CLNK: variants seen among roughly 807,000 people sequenced by gnomAD.
CLNK encodes the protein cytokine dependent hematopoietic cell linker.
In CLNK, 74 loss-of-function variants were observed where a neutral mutation model predicts 68.6. The observed-to-expected ratio is 1.08, with a 90% confidence interval of 0.89 to 1.31. The LOEUF (loss-of-function observed/expected upper bound fraction) is 1.31, where lower values mean the gene tolerates loss of function less well. Among genes scored for constraint, CLNK ranks in the 50% most tolerant of loss-of-function variants. The pLI, the probability that CLNK is intolerant of heterozygous loss-of-function variation, is 0.00. For missense variants in CLNK, 553 were observed against 515.3 expected, an observed-to-expected ratio of 1.07 and a Z score of -0.71; for synonymous variants, 198 against 172.2, an observed-to-expected ratio of 1.15 and a Z score of -1.17.
intron 2 of CLNK, among the ~76,000 whole-genome samples, chr4:10,629,143 G>A (rs531967535): frequency 5.3e-5 from 8 of 152,192 alleles, no homozygotes; most frequent in African/African-American, 1.9e-4. Context: ...AAACTTCTGC[G>A]CCTCATTGAG....
the CLNK span, among the ~76,000 whole-genome samples, chr4:10,696,065 G>A: frequency 1.3e-5 from 2 of 151,924 alleles, no homozygotes; most frequent in Admixed American, 6.6e-5. Context: ...CCTGTTGGCC[G>A]GGCTAGTCTC....
rs1719086249 is a variant in CLNK at position 10,542,687 on chromosome 4, T to TAA, written c.446-408_446-407insTT. Among the ~76,000 whole-genome samples, 6 of 123,598 alleles carry TAA rather than the reference T, an allele frequency of 4.9e-5. No homozygotes were observed. The South Asian group carries it at 1.7e-3, about 34-fold the overall frequency. The allele number at this position is 123,598 out of a possible 152,430, so 81.1% of individuals were successfully genotyped here. A position where few individuals can be genotyped will look rare whatever the true frequency, so the allele number is the denominator to read the frequency against. On this transcript the variant is annotated intron_variant, in intron 8 of 18. Coordinates refer to ENST00000226951, the MANE Select transcript of CLNK (RefSeq NM_052964.4). ...GTGTGTGTGTGTGTGTGTGTGTATA[T>TAA]ATATATATATACAATTCAATTTCCT...
In CLNK at chr4:10,501,405, T is replaced by C. The variant is rs759586214; in HGVS notation, c.991A>G (p.Ser331Gly). 1 of 1,608,128 alleles carries C rather than the reference T, an allele frequency of 6.2e-7. No individual in the cohort carries two copies. Among genetic ancestry groups the C allele is most frequent in the Admixed American group, 1.7e-5 (1 of 58,444 alleles). The change falls in exon 18 of 19, where the codon AGT becomes GGT. Residue 331 changes from serine to glycine, a missense_variant. Ser to Gly is a moderately conservative substitution (Grantham distance 56). Coordinates refer to ENST00000226951, the MANE Select transcript of CLNK (RefSeq NM_052964.4). ...GTGGAACAATCTCGGACCAAGAAAC[T>C]ACCATCCTGAAGCAAAAAGAGTAAC... The part of the protein sequence containing the change: ...EAFMKENKDG[S>G]FLVRDCSTKS...
At chr4:10,540,962 C>T (rs1460205769) in intron 10 of CLNK, among the ~76,000 whole-genome samples, 1 of 152,074 alleles carries the variant, frequency 6.6e-6, no homozygotes, top group African/African-American at 2.4e-5. Context: ...CGCCTGTAAT[C>T]CCAGCACTTT....
At chr4:10,526,762 A>G (rs1459306765) in intron 13 of CLNK, among the ~76,000 whole-genome samples, 1 of 152,196 alleles carries the variant, frequency 6.6e-6, no homozygotes, top group Non-Finnish European at 1.5e-5. Flanking sequence ...TGCCAACCAT[A>G]CAATCTGGAG....
At chr4:10,608,330 G>C (rs1028187702) in intron 2 of CLNK, among the ~76,000 whole-genome samples, 1 of 152,206 alleles carries the variant, frequency 6.6e-6, no homozygotes. Flanking sequence ...TCCTCGGCCT[G>C]CTAGGCCCAT....
intron 4 of CLNK, among the ~76,000 whole-genome samples, chr4:10,580,522 T>C (rs1453973111): frequency 6.6e-6 from 1 of 152,150 alleles, no homozygotes; most frequent in Non-Finnish European, 1.5e-5. Flanking sequence ...GAAGACCTTC[T>C]AGTAGGACAA....
chr4:10,643,087 T>C lies in CLNK; in HGVS notation c.11+24772A>G, dbSNP rs376453488. ...AGTTTCAGGATGTAAGTGTTCTGGG[T>C]CTTGGCTGTGTGTGACCCTCGCCTT... is the stretch of plus-strand genomic sequence containing the variant. On this transcript the variant is annotated intron_variant, in intron 2 of 18. Coordinates refer to ENST00000226951, the MANE Select transcript of CLNK (RefSeq NM_052964.4). 6.0e-4 allele frequency among the ~76,000 whole-genome samples: 92 copies of C among 152,290 alleles called. No individual in the cohort carries two copies. In the Middle Eastern group the frequency reaches 0.01, roughly 17 times the overall value.
intron 2 of CLNK, among the ~76,000 whole-genome samples, chr4:10,602,139 A>G (rs1220529670): frequency 2.0e-5 from 3 of 152,198 alleles, no homozygotes; most frequent in African/African-American, 2.4e-5. Context: ...TCCCTCCTGC[A>G]TGACCAGTCA....
intron 2 of CLNK, among the ~76,000 whole-genome samples, chr4:10,627,916 C>G (rs1294939757): frequency 6.6e-6 from 1 of 152,162 alleles, no homozygotes; most frequent in Non-Finnish European, 1.5e-5. Context: ...CACTTCTTCC[C>G]CCTTCTGTCT....
At chr4:10,680,068 G>A (rs1045637871) in intron 1 of CLNK, among the ~76,000 whole-genome samples, 26 of 152,118 alleles carry the variant, frequency 1.7e-4, no homozygotes, top group South Asian at 1.5e-3. Flanking sequence ...ACATGCACAC[G>A]TATGTTTATT....
the CLNK span, among the ~76,000 whole-genome samples, chr4:10,699,266 CACACACACACACCACATACGTGTAT>C: frequency 1.5e-5 from 1 of 66,014 alleles, no homozygotes; most frequent in Non-Finnish European, 2.9e-5. Flanking sequence ...TGTGTGTATA[CACACACACACACCACATACGTGTAT>C]ACACACACAC....
At chr4:10,642,966 T>C (rs959283702) in intron 2 of CLNK, among the ~76,000 whole-genome samples, 3 of 152,206 alleles carry the variant, frequency 2.0e-5, no homozygotes, top group Non-Finnish European at 4.4e-5. Context: ...GGATGACAGA[T>C]GCATCTACCT....
chr4:10,522,369 T>A, intron 14 of CLNK, among the ~76,000 whole-genome samples: 1 of 150,000 alleles, frequency 6.7e-6, no homozygotes, highest in Non-Finnish European at 1.5e-5. Context: ...AGGTCAGGAG[T>A]TCAAGACCAG....
At chr4:10,500,812 T>C (rs1269166170) in intron 18 of CLNK, among the ~76,000 whole-genome samples, 2 of 152,244 alleles carry the variant, frequency 1.3e-5, no homozygotes, top group African/African-American at 2.4e-5. Context: ...AGATCTGTAC[T>C]GAGGACAGGC....
At chr4:10,530,876 C>T (rs1459785490) in intron 12 of CLNK, among the ~76,000 whole-genome samples, 1 of 152,182 alleles carries the variant, frequency 6.6e-6, no homozygotes, top group Admixed American at 6.5e-5. Flanking sequence ...AGTGCAACCC[C>T]TCCCAGAAGA....
At chr4:10,594,430 G>T (rs986028901) in intron 3 of CLNK, among the ~76,000 whole-genome samples, 1 of 152,228 alleles carries the variant, frequency 6.6e-6, no homozygotes, top group African/African-American at 2.4e-5. Context: ...TCTCTAACTT[G>T]AGCAAACATT....
intron 2 of CLNK, among the ~76,000 whole-genome samples, chr4:10,643,927 C>T (rs1332725356): frequency 2.0e-5 from 3 of 152,204 alleles, no homozygotes; most frequent in Admixed American, 2.0e-4. Flanking sequence ...TCTCAGTGAG[C>T]TTGCCTATGC....
intron 4 of CLNK, 53 bp downstream of exon 4, chr4:10,584,874 A>G: frequency 6.3e-7 from 1 of 1,582,398 alleles, no homozygotes; most frequent in South Asian, 1.1e-5. Context: ...TAACAGCCCA[A>G]CAGACCCATG....
Sources: allele counts gnomAD v4.1 joint callset (sites outside exome capture counted in the v4.1 genomes callset), GRCh38; gene constraint gnomAD v4.1.1; transcripts MANE v1.5; gene names NCBI Gene and HGNC (gene_info 2026-07-23, HGNC 2026-07-21).